ARHGEF9: variants seen among roughly 807,000 people sequenced by gnomAD.
ARHGEF9 encodes the protein rho guanine nucleotide exchange factor 9.
ARHGEF9 carries 2 observed loss-of-function variants against 41.3 expected under a neutral mutation model. The observed-to-expected ratio is 0.05, with a 90% CI of 0.02 to 0.15. The LOEUF (loss-of-function observed/expected upper bound fraction) is 0.15, where lower values mean the gene tolerates loss of function less well. Among genes scored for constraint, ARHGEF9 ranks in the 10% least tolerant of loss-of-function variants. The probability of loss-of-function intolerance (pLI) is 1.00; values close to 1 mark genes in which losing one functional copy is unlikely to be tolerated. For synonymous variants in ARHGEF9, 160 were observed against 154.4 expected (o/e 1.04, Z -0.27); for missense variants, 225 against 424.7 (o/e 0.53, Z 4.13).
intron 1 of ARHGEF9, among the ~76,000 whole-genome samples, chrX:63,752,016 A>G (rs144776441): frequency 8.9e-6 from 1 of 112,014 alleles, no homozygotes; most frequent in South Asian, 3.8e-4. Context: ...CTTGGGGGAA[A>G]AAAAGTCAAA....
intron 4 of ARHGEF9, among the ~76,000 whole-genome samples, chrX:63,687,662 T>C (rs1556377113): frequency 9.1e-6 from 1 of 110,169 alleles, no homozygotes; most frequent in African/African-American, 3.3e-5. Context: ...AATTTAACAA[T>C]GAAATTGAAA....
Position 63,760,194 on chromosome X carries a change from T to G in ARHGEF9, c.30+24922A>C, listed in dbSNP as rs782359243. Among the ~76,000 whole-genome samples, 3 of 110,776 alleles carry G rather than the reference T, an allele frequency of 2.7e-5. No homozygotes were observed. In the South Asian group the frequency reaches 1.2e-3, roughly 43 times the overall value. ...GCACTCCCAGGCAAAGTTCCATTTT[T>G]TTTTGTCCCGATCTCCACTGCTGCT... On this transcript the variant is annotated intron_variant, in intron 1 of 9. Coordinates refer to ENST00000671741, the MANE Select transcript of ARHGEF9 (RefSeq NM_001353921.2).
At chrX:63,665,754 C>T in intron 7 of ARHGEF9, 132 bp downstream of exon 7, 1 of 854,608 alleles carries the variant, frequency 1.2e-6, no homozygotes. Context: ...TACAGAATTG[C>T]TGCCAATCTC....
At chrX:63,717,408 T>C (rs1239504666) in intron 2 of ARHGEF9, among the ~76,000 whole-genome samples, 2 of 112,403 alleles carry the variant, frequency 1.8e-5, no homozygotes, top group African/African-American at 6.5e-5. Context: ...ATGTAGCCCA[T>C]GTTCTCATAC....
At chrX:63,685,202 C>G (rs1243327169) in intron 4 of ARHGEF9, among the ~76,000 whole-genome samples, 1 of 111,372 alleles carries the variant, frequency 9.0e-6, no homozygotes. Flanking sequence ...TCATTTATAT[C>G]AAAACATCAC....
chrX:63,751,364 A>G (rs1249904051), intron 1 of ARHGEF9, among the ~76,000 whole-genome samples: 1 of 111,559 alleles, frequency 9.0e-6, no homozygotes, highest in Non-Finnish European at 1.9e-5. Context: ...CAAAATGCAT[A>G]GGGTTCCGCT....
intron 1 of ARHGEF9, chrX:63,727,704 G>A (rs1399702637): frequency 8.9e-6 from 1 of 111,874 alleles, no homozygotes; most frequent in African/African-American, 3.3e-5. Context: ...TGATAATTAT[G>A]ATGATGTTAG....
chrX:63,762,948 C>T (rs782452703), intron 1 of ARHGEF9, among the ~76,000 whole-genome samples: 1 of 111,899 alleles, frequency 8.9e-6, no homozygotes, highest in East Asian at 2.8e-4. Context: ...TTTTCACTTT[C>T]TTAGGATTTT....
intron 2 of ARHGEF9, among the ~76,000 whole-genome samples, chrX:63,716,599 AT>A (rs2053318634): frequency 9.0e-6 from 1 of 111,423 alleles, no homozygotes; most frequent in Non-Finnish European, 1.9e-5. Context: ...TTAAGAAACC[AT>A]TTTCACTGCA....
chrX:63,710,976 C>T (rs1163410608), intron 2 of ARHGEF9, among the ~76,000 whole-genome samples: 1 of 111,229 alleles, frequency 9.0e-6, no homozygotes, highest in Non-Finnish European at 1.9e-5. Context: ...TAAATAAGTT[C>T]AGCAATGTTG....
At chrX:63,652,805 C>T (rs1313683252) in intron 8 of ARHGEF9, among the ~76,000 whole-genome samples, 1 of 110,863 alleles carries the variant, frequency 9.0e-6, no homozygotes, top group Non-Finnish European at 1.9e-5. Context: ...GGGGAGGGGC[C>T]TAGTGGGAGG....
chrX:63,690,848 G>A (rs1183472126), intron 4 of ARHGEF9, among the ~76,000 whole-genome samples: 4 of 111,864 alleles, frequency 3.6e-5, no homozygotes, highest in South Asian at 3.7e-4. Flanking sequence ...ATAAATAAAC[G>A]TGATACATTA....
At chrX:63,686,495 C>T (rs2050989447) in intron 4 of ARHGEF9, among the ~76,000 whole-genome samples, 1 of 111,102 alleles carries the variant, frequency 9.0e-6, no homozygotes, top group African/African-American at 3.3e-5. Context: ...TACCCTAAAA[C>T]CCGACTTGAT....
chrX:63,648,978 TTA>T (rs1201595302), intron 8 of ARHGEF9, among the ~76,000 whole-genome samples: 1 of 111,220 alleles, frequency 9.0e-6, no homozygotes, highest in Admixed American at 9.5e-5. Context: ...ACAAAGAGAC[TTA>T]GACTCCCACA....
At chrX:63,699,890 C>T (rs1665141129) in intron 3 of ARHGEF9, among the ~76,000 whole-genome samples, 1 of 111,987 alleles carries the variant, frequency 8.9e-6, no homozygotes, top group African/African-American at 3.2e-5. Flanking sequence ...AATATATACA[C>T]ATATGGACAG....
chrX:63,688,695 G>A (rs1162839479), intron 4 of ARHGEF9, among the ~76,000 whole-genome samples: 3 of 111,631 alleles, frequency 2.7e-5, no homozygotes, highest in Non-Finnish European at 5.6e-5. Context: ...GCTTGAACTC[G>A]GGAGGCAGAG....
At chrX:63,783,503 G>A (rs1439373956) in intron 1 of ARHGEF9, among the ~76,000 whole-genome samples, 2 of 111,454 alleles carry the variant, frequency 1.8e-5, no homozygotes, top group Admixed American at 9.5e-5. Flanking sequence ...TGATCCACCC[G>A]CCTCGGCCTC....
At chrX:63,756,978 T>TTA (rs1461543776) in intron 1 of ARHGEF9, among the ~76,000 whole-genome samples, 1 of 112,166 alleles carries the variant, frequency 8.9e-6, no homozygotes, top group Non-Finnish European at 1.9e-5. Context: ...CTTTCAATCT[T>TTA]TACCTTTCGT....
intron 5 of ARHGEF9, among the ~76,000 whole-genome samples, chrX:63,678,084 G>A (rs2050381799): frequency 9.0e-6 from 1 of 111,132 alleles, no homozygotes; most frequent in South Asian, 3.8e-4. Context: ...TGCTTTAGTG[G>A]TTCTGGAGCC....
Sources: gnomAD v4.1 joint callset for allele counts (sites outside exome capture counted in the v4.1 genomes callset) on GRCh38, gnomAD v4.1.1 for gene constraint, MANE v1.5 for transcripts, NCBI Gene and HGNC (gene_info 2026-07-23, HGNC 2026-07-21) for gene names.